Variants in PFKFB4 observed in about 807,000 individuals in gnomAD.
PFKFB4 encodes the protein 6-phosphofructo-2-kinase/fructose-2,6-bisphosphatase 4.
In PFKFB4, 42 loss-of-function variants were observed where a neutral mutation model predicts 62.8. The ratio of observed to expected loss-of-function variants is 0.67; its 90% CI spans 0.52 to 0.86. The LOEUF is 0.86. PFKFB4 is among the 40% of genes least tolerant of loss of function. The pLI is 0.00. For missense variants in PFKFB4, 475 were observed against 627.2 expected (o/e 0.76, Z 2.59); for synonymous variants, 204 against 240.7 (o/e 0.85, Z 1.41).
At chr3:48,553,267 A>G (rs1361010847) in intron 1 of PFKFB4, among the ~76,000 whole-genome samples, 1 of 152,242 alleles carries the variant, frequency 6.6e-6, no homozygotes, top group Non-Finnish European at 1.5e-5. Flanking sequence ...TGAGGTCAGG[A>G]GTTCGAGACC....
chr3:48,556,217 G>C lies in PFKFB4; in HGVS notation c.97+464C>G. On this transcript the variant is annotated intron_variant, in intron 1 of 13. Coordinates refer to ENST00000232375, the MANE Select transcript of PFKFB4 (RefSeq NM_004567.4). The surrounding 1 kb of genome is among the most constrained non-coding windows in gnomAD (Gnocchi z 5.7). ...CACCCTTCCTCCTGTTGGAAAACTA[G>C]CCCACCTTTGAAAGTTCTGGGCTCA... 1 of 461,720 alleles carries C rather than the reference G, an allele frequency of 2.2e-6. No individual in the cohort carries two copies. Among genetic ancestry groups the C allele is most frequent in the Non-Finnish European group, 4.3e-6 (1 of 230,546 alleles). 28.6% of individuals were successfully genotyped at this position (461,720 alleles called of 1,614,324 possible). A position where few individuals can be genotyped will look rare whatever the true frequency, so the allele number is the denominator to read the frequency against.
chr3:48,534,334 C>G (rs987850102), intron 9 of PFKFB4, among the ~76,000 whole-genome samples: 2 of 152,102 alleles, frequency 1.3e-5, no homozygotes, highest in Non-Finnish European at 1.5e-5. Context: ...TGATGGCCAA[C>G]AATTCTTCAC....
chr3:48,525,774 CA>C, intron 9 of PFKFB4, 105 bp from the exon 10 acceptor site: 1 of 520,334 alleles, frequency 1.9e-6, no homozygotes, highest in South Asian at 2.7e-5. Context: ...AGTTCACGGG[CA>C]TTTCCTGGGT....
At chr3:48,520,216 G>A (rs545318821) in intron 13 of PFKFB4, among the ~76,000 whole-genome samples, 129 of 152,266 alleles carry the variant, frequency 8.5e-4, no homozygotes, top group African/African-American at 2.6e-3. Context: ...GTGTTGGCAC[G>A]CAGGTGTCAG....
In PFKFB4 at chr3:48,519,694, AC is replaced by A. The variant is rs2042029393; in HGVS notation, c.*52del. The A allele has an allele frequency of 1.5e-6, 2 of 1,323,370 alleles. No homozygotes were observed. The highest frequency in any genetic ancestry group is 2.2e-6 in the Non-Finnish European group (2 of 917,774). The allele number at this position is 1,323,370 out of a possible 1,614,324, so 82.0% of individuals were successfully genotyped here. A position where few individuals can be genotyped will look rare whatever the true frequency, so the allele number is the denominator to read the frequency against. Reference sequence around the variant, plus strand: ...CACACACACTGGAGGGCCTGGAATGACCCCCTCTGCAGAGAGCAGTGCCTGC... The same window carrying A: ...CACACACACTGGAGGGCCTGGAATGACCCCTCTGCAGAGAGCAGTGCCTGC... On this transcript the variant is annotated 3_prime_UTR_variant, in exon 14 of 14. Coordinates refer to ENST00000232375, the MANE Select transcript of PFKFB4 (RefSeq NM_004567.4).
upstream of PFKFB4, among the ~76,000 whole-genome samples, chr3:48,558,204 C>T (rs147914422): frequency 6.6e-6 from 1 of 152,130 alleles, no homozygotes; most frequent in Admixed American, 6.5e-5. Flanking sequence ...ACCCCTGGCT[C>T]ACTTTCTTGT....
intron 4 of PFKFB4, 53 bp downstream of exon 4, chr3:48,543,527 G>T: frequency 1.3e-6 from 2 of 1,496,346 alleles, no homozygotes; most frequent in Non-Finnish European, 1.8e-6. Context: ...AGGCACAGAT[G>T]TGGATGGGCT....
In PFKFB4 at chr3:48,535,514, C is replaced by T; in HGVS notation, c.985G>A (p.Ala329Thr). 1.2e-6 allele frequency: 2 copies of T among 1,613,396 alleles called. No homozygotes were observed. Among genetic ancestry groups the T allele is most frequent in the South Asian group, 2.2e-5 (2 of 91,036 alleles). The change falls in exon 9 of 14, where the codon GCG (alanine) becomes ACG (threonine). Residue 329 changes from alanine (A) to threonine (T), a missense_variant and splice_region_variant. By Grantham distance (58) the Ala-to-Thr change is moderately conservative. Coordinates refer to ENST00000232375, the MANE Select transcript of PFKFB4 (RefSeq NM_004567.4). Reference protein sequence around the residue: ...EQWKVLNEIDAGVCEEMTYEE... With the variant: ...EQWKVLNEIDTGVCEEMTYEE... ...AGGGAGGGAGGGACGGTAACTACCGCATCGATCTCGTTGAGGACCTTCCAC... is the reference window on the plus strand; with the variant it reads ...AGGGAGGGAGGGACGGTAACTACCGTATCGATCTCGTTGAGGACCTTCCAC...
Position 48,539,280 on chromosome 3 carries a change from G to A in PFKFB4, c.484C>T (p.Pro162Ser). 6.2e-7 allele frequency: 1 copy of A among 1,613,674 alleles called. No homozygotes were observed. Among genetic ancestry groups the A allele is most frequent in the Non-Finnish European group, 8.5e-7 (1 of 1,179,780 alleles). Residue 162 changes from proline to serine, a missense_variant, in exon 6 of 14, where the codon CCT becomes TCT. Coordinates refer to ENST00000232375, the MANE Select transcript of PFKFB4 (RefSeq NM_004567.4). ...ACGATGTTGGCAGCTATGACCTCAG[G>A]ATCCACACAGATGGACTCGACAAAA... ...TFFVESICVDPEVIAANIVQV... is the reference protein window; with the variant it reads ...TFFVESICVDSEVIAANIVQV...
chr3:48,538,732 G>A (rs1415625102), intron 6 of PFKFB4, 113 bp from the exon 7 acceptor site: 4 of 1,370,748 alleles, frequency 2.9e-6, no homozygotes, highest in African/African-American at 1.4e-5. Context: ...GGAGACCAGT[G>A]CGGGAACCTG....
chr3:48,553,239 C>T (rs1349189630), intron 1 of PFKFB4, among the ~76,000 whole-genome samples: 1 of 152,136 alleles, frequency 6.6e-6, no homozygotes, highest in Non-Finnish European at 1.5e-5. Context: ...TTTGGGAGGC[C>T]GAGGCAGGCA....
At chr3:48,535,461 G>A (rs773728778) in intron 9 of PFKFB4, 51 bp downstream of exon 9, 1 of 1,469,466 alleles carries the variant, frequency 6.8e-7, no homozygotes, top group Admixed American at 1.7e-5. Flanking sequence ...ATATGATGCA[G>A]CAGCCCTGCG....
intron 9 of PFKFB4, among the ~76,000 whole-genome samples, chr3:48,531,759 C>T (rs1056196767): frequency 6.6e-6 from 1 of 151,842 alleles, no homozygotes; most frequent in African/African-American, 2.4e-5. Context: ...TGCCATTGCA[C>T]TCCAGCCAGG....
chr3:48,523,094 G>A (rs180949412), intron 12 of PFKFB4, among the ~76,000 whole-genome samples: 11 of 150,772 alleles, frequency 7.3e-5, no homozygotes, highest in East Asian at 4.1e-4. Flanking sequence ...AATTAGGGCC[G>A]CAGATGGTAG....
At chr3:48,557,004 A>G, upstream of PFKFB4, 2 of 1,354,532 alleles carry the variant, frequency 1.5e-6, no homozygotes, top group Non-Finnish European at 1.9e-6. Context: ...TTTTGGAACA[A>G]GTGGGCCCAG....
chr3:48,542,766 A>C (rs1462907647), intron 4 of PFKFB4, among the ~76,000 whole-genome samples: 2 of 152,184 alleles, frequency 1.3e-5, no homozygotes, highest in Admixed American at 1.3e-4. Context: ...ATGTTGTAGA[A>C]GTTCTAAGGG....
rs1335156706 is a variant in PFKFB4, at chr3:48,549,936, C to G, written c.239G>C (p.Arg80Pro). 6.2e-7 allele frequency: 1 copy of G among 1,613,550 alleles called. No individual in the cohort carries two copies. The highest frequency in any genetic ancestry group is 8.5e-7 in the Non-Finnish European group (1 of 1,179,446). ...AGATTTGTAGGTCTTGACCACGTCC[C>G]GGCGATACTGGCCAACATTGAACTC... is the stretch of plus-strand genomic sequence containing the variant. ...TREFNVGQYR[R>P]DVVKTYKSFE... Residue 80 changes from arginine (R) to proline (P), a missense_variant, in exon 3 of 14, where the codon CGG (arginine) becomes CCG (proline). Coordinates refer to ENST00000232375, the MANE Select transcript of PFKFB4 (RefSeq NM_004567.4).
chr3:48,523,012 C>T (rs1434836914), intron 12 of PFKFB4, among the ~76,000 whole-genome samples: 2 of 151,842 alleles, frequency 1.3e-5, no homozygotes, highest in African/African-American at 2.4e-5. Flanking sequence ...CCACCCACCT[C>T]GGCCTCCCAA....
intron 9 of PFKFB4, among the ~76,000 whole-genome samples, chr3:48,529,873 G>A (rs7622623): frequency 1.3e-5 from 2 of 151,634 alleles, no homozygotes; most frequent in African/African-American, 2.4e-5. Flanking sequence ...AAGATGGCTT[G>A]AGTCCAGGAG....
Sources: allele counts gnomAD v4.1 joint callset (sites outside exome capture counted in the v4.1 genomes callset), GRCh38; gene constraint gnomAD v4.1.1; non-coding constraint Gnocchi (gnomAD v3.1); transcripts MANE v1.5; gene names NCBI Gene and HGNC (gene_info 2026-07-23, HGNC 2026-07-21).